CDK20: variants seen among roughly 807,000 people sequenced by gnomAD.
CDK20 encodes cyclin-dependent kinase 20.
In CDK20, 40 loss-of-function variants were observed where a neutral mutation model predicts 38.6. That is an observed-to-expected ratio of 1.04 (90% CI 0.81 to 1.35). The LOEUF is 1.35. Among genes scored for constraint, CDK20 ranks in the 40% most tolerant of loss-of-function variants. The probability of loss-of-function intolerance (pLI) is 0.00; values close to 1 mark genes in which losing one functional copy is unlikely to be tolerated. For synonymous variants in CDK20, 209 were observed against 185.7 expected (o/e 1.13, Z -1.02); for missense variants, 512 against 452.6 (o/e 1.13, Z -1.19).
Position 87,967,510 on chromosome 9 carries a change from C to A in CDK20, c.993G>T (p.Glu331Asp). The change falls in exon 8 of 8, where the codon GAG becomes GAT. Residue 331 changes from glutamate (E) to aspartate (D), a missense_variant. Coordinates refer to ENST00000325303, the MANE Select transcript of CDK20 (RefSeq NM_001039803.3). ...GAATCAGCTCTGGGTTCAACAGCGA[C>A]TCCTCAAGAGGCCGGTCCACGTGGA... The part of the protein sequence containing the change: ...HDFHVDRPLE[E>D]SLLNPELIRP... The A allele has an allele frequency of 6.4e-7, 1 of 1,556,494 alleles. No homozygotes were observed. Among genetic ancestry groups the A allele is most frequent in the South Asian group, 1.2e-5 (1 of 84,254 alleles).
At chr9:87,970,303 T>G (rs377732913) in intron 5 of CDK20, 3 of 511,292 alleles carry the variant, frequency 5.9e-6, no homozygotes, top group Non-Finnish European at 1.0e-5. Context: ...CCAGCACATA[T>G]CGGCTCAGAC....
chr9:87,969,811 G>C lies in CDK20; in HGVS notation c.672C>G (p.Asn224Lys). ...CCCTACAAACCGGCCAGACTTGAGG[G>C]TTTGGGGTGCCCAAGATGCGAAGCA... is the stretch of plus-strand genomic sequence containing the variant. ...CYVLRILGTP[N>K]PQVWPELTEL... Residue 224 changes from asparagine to lysine, a missense_variant, in exon 6 of 8, where the codon AAC becomes AAG. By Grantham distance (94) the Asn-to-Lys change is moderately conservative. Transcript: ENST00000325303. 6.2e-7 allele frequency: 1 copy of C among 1,613,804 alleles called. No individual in the cohort carries two copies. Among genetic ancestry groups the C allele is most frequent in the Non-Finnish European group, 8.5e-7 (1 of 1,179,828 alleles).
At chr9:87,971,010 G>A (rs1829812155) in intron 3 of CDK20, 113 bp from the exon 4 acceptor site, 3 of 1,519,562 alleles carry the variant, frequency 2.0e-6, no homozygotes, top group Non-Finnish European at 9.0e-7. Context: ...CTCCTCCAGG[G>A]CCATGCCCTG....
Position 87,967,552 on chromosome 9 carries a change from G to A in CDK20, c.951C>T (p.Pro317=). Residue 317 remains proline, a synonymous_variant, in exon 8 of 8, where the codon CCC becomes CCT. Transcript: ENST00000325303. ...GGPAPKAHPG[P]PHIHDFHVDR... ...CCACGTGGAAGTCATGGATGTGGGG[G>A]GGCCCTGGATGGGCCTTGGGGGCAG... 6.4e-7 allele frequency: 1 copy of A among 1,553,138 alleles called. No homozygotes were observed. Among genetic ancestry groups the A allele is most frequent in the Non-Finnish European group, 8.7e-7 (1 of 1,147,802 alleles).
rs761646509 is a variant in CDK20 at position 87,967,119 on chromosome 9, C to G, written c.*343G>C. The G allele has an allele frequency of 1.7e-6, 1 of 577,584 alleles. No individual in the cohort carries two copies. Among genetic ancestry groups the G allele is most frequent in the Admixed American group, 1.9e-5 (1 of 53,190 alleles). 35.8% of individuals were successfully genotyped at this position (577,584 alleles called of 1,614,324 possible). On this transcript the variant is annotated 3_prime_UTR_variant, in exon 8 of 8. Coordinates refer to ENST00000325303, the MANE Select transcript of CDK20 (RefSeq NM_001039803.3). ...ACTTCTCCTTGACCAGGAGGCAGCA[C>G]TCGGGGAAGCAGCACCAAGGCAGGC...
chr9:87,970,282 A>G (rs912110981), intron 5 of CDK20: 1 of 472,798 alleles, frequency 2.1e-6, no homozygotes, highest in Non-Finnish European at 3.7e-6. Flanking sequence ...GCCATATCCT[A>G]GGATCTAACT....
intron 2 of CDK20, among the ~76,000 whole-genome samples, chr9:87,972,161 C>G (rs1334725430): frequency 6.6e-6 from 1 of 152,018 alleles, no homozygotes; most frequent in Non-Finnish European, 1.5e-5. Flanking sequence ...GACAAAATCG[C>G]ACTTCTACAC....
intron 5 of CDK20, 67 bp downstream of exon 5, chr9:87,970,501 A>G (rs1339963628): frequency 1.4e-6 from 2 of 1,425,000 alleles, no homozygotes; most frequent in Non-Finnish European, 1.9e-6. Flanking sequence ...CAAACAGCTC[A>G]GAGACCTCAG....
intron 5 of CDK20, chr9:87,970,120 C>A: frequency 1.9e-6 from 1 of 518,934 alleles, no homozygotes; most frequent in South Asian, 4.2e-5. Context: ...TCCAAGACTT[C>A]TCGGAGACTC....
Position 87,969,777 on chromosome 9 carries a change from A to G in CDK20, c.687+19T>C, listed in dbSNP as rs1564156073. 6.2e-7 allele frequency: 1 copy of G among 1,613,324 alleles called. No individual in the cohort carries two copies. ...AGTAAACCTGCCCCACACCCACCTC[A>G]CCAAGGGCCCCTACAAACCGGCCAG... On this transcript the variant is annotated intron_variant, in intron 6 of 7. Coordinates refer to ENST00000325303, the MANE Select transcript of CDK20 (RefSeq NM_001039803.3).
chr9:87,967,714 A>G, intron 7 of CDK20, 55 bp from the exon 8 acceptor site: 2 of 1,405,676 alleles, frequency 1.4e-6, no homozygotes, highest in Non-Finnish European at 1.9e-6. Context: ...CCCTGTCCCC[A>G]GCCTCAAGCA....
chr9:87,972,760 A>G (rs1374499402), intron 2 of CDK20, among the ~76,000 whole-genome samples: 1 of 152,146 alleles, frequency 6.6e-6, no homozygotes, highest in African/African-American at 2.4e-5. Flanking sequence ...TTGCTGACCA[A>G]CTGGATGTAG....
rs1410536674 is a variant in CDK20, at chr9:87,969,233, G to T, written c.804C>A (p.Phe268Leu). The T allele has an allele frequency of 1.2e-6, 2 of 1,614,078 alleles. No individual in the cohort carries two copies. The highest frequency in any genetic ancestry group is 1.7e-6 in the Non-Finnish European group (2 of 1,179,974). ...TGCGCTGGTGAGGAGGGTAGAGAAG[G>T]AATTGACCCAGCAGATCCAATGCCT... is the stretch of plus-strand genomic sequence containing the variant. ...SPQALDLLGQ[F>L]LLYPPHQRIA... The change falls in exon 7 of 8, where the codon TTC (phenylalanine) becomes TTA (leucine). Residue 268 changes from phenylalanine to leucine, a missense_variant. Coordinates refer to ENST00000325303, the MANE Select transcript of CDK20 (RefSeq NM_001039803.3).
Position 87,970,900 on chromosome 9 carries a change from G to A in CDK20, c.379-3C>T. 1 of 1,614,096 alleles carries A rather than the reference G, an allele frequency of 6.2e-7. No homozygotes were observed. The highest frequency in any genetic ancestry group is 8.5e-7 in the Non-Finnish European group (1 of 1,179,982). On this transcript the variant is annotated splice_polypyrimidine_tract_variant and splice_region_variant and intron_variant, in intron 3 of 7. Transcript: ENST00000325303. ...AGCAGGTTGGCAGGTTTCAGGTCCT[G>A]GGAGTACCAAAAGAAGCATCAGTCC...
rs41286027 is a variant in CDK20, at chr9:87,967,049, T to C, written c.*413A>G. The C allele has an allele frequency of 3.8e-6, 2 of 526,886 alleles. No individual in the cohort carries two copies. Among genetic ancestry groups the C allele is most frequent in the South Asian group, 1.4e-5 (1 of 71,386 alleles). The allele number at this position is 526,886 out of a possible 1,614,324, so 32.6% of individuals were successfully genotyped here. A position where few individuals can be genotyped will look rare whatever the true frequency, so the allele number is the denominator to read the frequency against. On this transcript the variant is annotated 3_prime_UTR_variant, in exon 8 of 8. Coordinates refer to ENST00000325303, the MANE Select transcript of CDK20 (RefSeq NM_001039803.3). Reference sequence around the variant, plus strand: ...TCTGAGAATAAAACCAAACCAAATCTTCCTTCCACTTGAGTTTCCAACATA... The same window carrying C: ...TCTGAGAATAAAACCAAACCAAATCCTCCTTCCACTTGAGTTTCCAACATA...
rs1378048087 is a variant in CDK20, at chr9:87,967,657, A to AT, written c.845_846insA (p.Leu283SerfsTer17). On this transcript the variant is annotated frameshift_variant and splice_region_variant, in exon 8 of 8. Coordinates refer to ENST00000325303, the MANE Select transcript of CDK20 (RefSeq NM_001039803.3). LOFTEE classifies it high-confidence loss of function. ...CTGTGAAGAAGTACTGATGGAGGAGAGCCTGAGGGTGGCAAGTAAGGAACA... is the reference window on the plus strand; with the variant it reads ...CTGTGAAGAAGTACTGATGGAGGAGATGCCTGAGGGTGGCAAGTAAGGAACA... 1 of 1,467,894 alleles carries AT rather than the reference A, an allele frequency of 6.8e-7. No individual in the cohort carries two copies. The highest frequency in any genetic ancestry group is 9.0e-7 in the Non-Finnish European group (1 of 1,106,938). 90.9% of individuals were successfully genotyped at this position (1,467,894 alleles called of 1,614,324 possible). A position where few individuals can be genotyped will look rare whatever the true frequency, so the allele number is the denominator to read the frequency against.
At chr9:87,973,599 G>A (rs934778904) in intron 2 of CDK20, among the ~76,000 whole-genome samples, 21 of 152,140 alleles carry the variant, frequency 1.4e-4, no homozygotes, top group African/African-American at 4.8e-4. Context: ...GAACACATCG[G>A]GAGCTCAATA....
At chr9:87,970,075 C>T (rs946472952) in intron 5 of CDK20, 156 bp from the exon 6 acceptor site, 6 of 799,288 alleles carry the variant, frequency 7.5e-6, no homozygotes, top group African/African-American at 1.8e-5. Flanking sequence ...CCTCAAAGCC[C>T]TCAACCCTAG....
chr9:87,967,918 A>G, intron 7 of CDK20: 1 of 404,222 alleles, frequency 2.5e-6, no homozygotes, highest in Admixed American at 4.1e-5. Flanking sequence ...TATGTCAGAT[A>G]ATGATTAGTG....
Sources: allele counts gnomAD v4.1 joint callset (sites outside exome capture counted in the v4.1 genomes callset), GRCh38; gene constraint gnomAD v4.1.1; transcripts MANE v1.5; gene names NCBI Gene and HGNC (gene_info 2026-07-23, HGNC 2026-07-21).